KATNIP: variants seen among roughly 807,000 people sequenced by gnomAD.
KATNIP encodes the protein katanin interacting protein, also known as katanin-interacting protein.
A neutral mutation model predicts 174.0 loss-of-function variants in KATNIP; 126 were observed. The observed-to-expected ratio is 0.72, with a 90% CI of 0.63 to 0.84. The LOEUF (loss-of-function observed/expected upper bound fraction) is 0.84. Ranked by LOEUF, KATNIP falls within the 40% of genes least tolerant of loss-of-function variation. KATNIP has a pLI of 0.00. For missense variants in KATNIP, 1,958 were observed against 2,109.7 expected (o/e 0.93, Z 1.41); for synonymous variants, 810 against 835.7 (o/e 0.97, Z 0.53).
intron 1 of KATNIP, among the ~76,000 whole-genome samples, chr16:27,551,972 G>C (rs775874463): frequency 6.6e-6 from 1 of 152,086 alleles, no homozygotes; most frequent in Admixed American, 6.6e-5. Flanking sequence ...GGAGGCTGAA[G>C]TGGGTGGATT....
Position 27,626,580 on chromosome 16 carries a change from A to G in KATNIP, c.141-2081A>G, listed in dbSNP as rs377352043. Among the ~76,000 whole-genome samples the G allele has an allele frequency of 7.2e-5, 11 of 152,134 alleles. No individual in the cohort carries two copies. In the East Asian group the frequency reaches 1.9e-3, roughly 27 times the overall value. On this transcript the variant is annotated intron_variant, in intron 3 of 27. Coordinates refer to ENST00000261588, the MANE Select transcript of KATNIP (RefSeq NM_015202.5). ...AGTTTGCATTCTACCCCTGCCACAT[A>G]CTATAATAGCTATGTGACCTTGGGC...
At chr16:27,706,617 C>T (rs1031616984) in intron 12 of KATNIP, among the ~76,000 whole-genome samples, 11 of 152,184 alleles carry the variant, frequency 7.2e-5, no homozygotes, top group East Asian at 5.8e-4. Context: ...TAGCAACAGA[C>T]GAGTTGTGAC....
intron 6 of KATNIP, among the ~76,000 whole-genome samples, chr16:27,651,307 G>A (rs1409352483): frequency 6.6e-6 from 1 of 151,972 alleles, no homozygotes; most frequent in Non-Finnish European, 1.5e-5. Flanking sequence ...CATCTTGAGG[G>A]GGCACTCCAT....
At chr16:27,707,495 A>C (rs1425302959) in intron 12 of KATNIP, among the ~76,000 whole-genome samples, 1 of 152,218 alleles carries the variant, frequency 6.6e-6, no homozygotes, top group Non-Finnish European at 1.5e-5. Flanking sequence ...GGGCCTTCTT[A>C]GGTATTGATA....
At chr16:27,712,102 G>T (rs1026419659) in intron 13 of KATNIP, among the ~76,000 whole-genome samples, 2 of 152,232 alleles carry the variant, frequency 1.3e-5, no homozygotes, top group African/African-American at 4.8e-5. Flanking sequence ...CAATTCTGAT[G>T]ATTGCTCTCC....
Position 27,777,955 on chromosome 16 carries a change from G to A in KATNIP, c.4787G>A (p.Ser1596Asn), listed in dbSNP as rs2082561498. 6.2e-7 allele frequency: 1 copy of A among 1,613,972 alleles called. No homozygotes were observed. Among genetic ancestry groups the A allele is most frequent in the Non-Finnish European group, 8.5e-7 (1 of 1,179,952 alleles). ...QIITNAKRKQ[S>N]VVDPALRPKT... ...ATTACCAACGCGAAACGGAAGCAGA[G>A]CGTTGTTGACCCAGGTCAGTGGCGT... is the stretch of plus-strand genomic sequence containing the variant. Residue 1596 changes from serine (S) to asparagine (N), a missense_variant, in exon 27 of 28, where the codon AGC (serine) becomes AAC (asparagine). Coordinates refer to ENST00000261588, the MANE Select transcript of KATNIP (RefSeq NM_015202.5). The surrounding 1 kb of genome is among the most constrained non-coding windows in gnomAD (Gnocchi z 4.4).
chr16:27,611,245 C>T (rs1030689857), intron 2 of KATNIP, among the ~76,000 whole-genome samples: 1 of 152,152 alleles, frequency 6.6e-6, no homozygotes, highest in Non-Finnish European at 1.5e-5. Flanking sequence ...AAGCCCTGAT[C>T]GCATATGCAA....
chr16:27,744,990 T>A (rs1251221414), intron 15 of KATNIP, among the ~76,000 whole-genome samples: 1 of 152,082 alleles, frequency 6.6e-6, no homozygotes, highest in Non-Finnish European at 1.5e-5. Flanking sequence ...ATAGGGAATT[T>A]ATGAAAATCA....
In KATNIP at chr16:27,674,900, G is replaced by A. The variant is rs112500756; in HGVS notation, c.541-2829G>A. Among the ~76,000 whole-genome samples the A allele has an allele frequency of 1.0e-2, 1,519 of 152,216 alleles. 20 individuals are homozygous for A. Among genetic ancestry groups the A allele is most frequent in the African/African-American group, 0.035 (1,438 of 41,494 alleles). ...AAGTCCAGAATATCATCTAAGTCTC[G>A]TCAGCTCAAAACTCCAAAATCTCAT... is the stretch of plus-strand genomic sequence containing the variant. On this transcript the variant is annotated intron_variant, in intron 6 of 27. Transcript: ENST00000261588.
intron 2 of KATNIP, among the ~76,000 whole-genome samples, chr16:27,592,236 G>T (rs1317694272): frequency 1.3e-5 from 2 of 149,874 alleles, no homozygotes. Context: ...TTTACCATGG[G>T]CCAGGCACTG....
intron 1 of KATNIP, among the ~76,000 whole-genome samples, chr16:27,571,994 G>GTGTGTGTGTGTA (rs1186085558): frequency 3.3e-5 from 5 of 152,106 alleles, no homozygotes; most frequent in African/African-American, 1.2e-4. Flanking sequence ...GGGGGTGTGT[G>GTGTGTGTGTGTA]TGTGTGTGTG....
chr16:27,658,647 C>T (rs549965080), intron 6 of KATNIP, among the ~76,000 whole-genome samples: 1 of 152,256 alleles, frequency 6.6e-6, no homozygotes, highest in African/African-American at 2.4e-5. Context: ...ATATTCTGCA[C>T]TTCTGGAAAC....
At chr16:27,646,022 G>A (rs1292975545) in intron 5 of KATNIP, among the ~76,000 whole-genome samples, 2 of 152,204 alleles carry the variant, frequency 1.3e-5, no homozygotes, top group South Asian at 2.1e-4. Flanking sequence ...TGGATGCATG[G>A]AAAAGATTTG....
At chr16:27,647,345 C>A (rs546144746) in intron 5 of KATNIP, among the ~76,000 whole-genome samples, 6 of 152,076 alleles carry the variant, frequency 3.9e-5, no homozygotes, top group Non-Finnish European at 8.8e-5. Flanking sequence ...AAAGCCCCCC[C>A]CTTTCTTTTA....
intron 2 of KATNIP, among the ~76,000 whole-genome samples, chr16:27,611,684 G>C (rs1188899323): frequency 1.3e-5 from 2 of 152,180 alleles, no homozygotes; most frequent in Non-Finnish European, 2.9e-5. Context: ...CCATATAGCA[G>C]CCCTGTGAGG....
At chr16:27,558,469 A>C (rs769992659) in intron 1 of KATNIP, among the ~76,000 whole-genome samples, 2 of 152,204 alleles carry the variant, frequency 1.3e-5, no homozygotes, top group Non-Finnish European at 2.9e-5. Context: ...TCTGAAAAAA[A>C]GGGAATATAT....
At chr16:27,733,781 C>T (rs2080792721) in intron 14 of KATNIP, among the ~76,000 whole-genome samples, 1 of 152,070 alleles carries the variant, frequency 6.6e-6, no homozygotes, top group Non-Finnish European at 1.5e-5. Flanking sequence ...GGATTTTCCC[C>T]CTGGATCCTT....
intron 2 of KATNIP, among the ~76,000 whole-genome samples, chr16:27,579,465 G>A (rs904145234): frequency 6.6e-6 from 1 of 152,208 alleles, no homozygotes; most frequent in Non-Finnish European, 1.5e-5. Flanking sequence ...CACACCATAA[G>A]TGTTCCATAG....
In KATNIP at chr16:27,588,359, TA is replaced by T. The variant is rs561206836; in HGVS notation, c.63+14404del. Among the ~76,000 whole-genome samples, 499 of 152,278 alleles carry T rather than the reference TA, an allele frequency of 3.3e-3. 2 individuals are homozygous for T. Among genetic ancestry groups the T allele is most frequent in the Middle Eastern group, 6.8e-3 (2 of 292 alleles). ...AGTTTTATGAATTTTTATATATAAA[TA>T]TATAAAATCAGTTATTCACATCAAA... On this transcript the variant is annotated intron_variant, in intron 2 of 27. Coordinates refer to ENST00000261588, the MANE Select transcript of KATNIP (RefSeq NM_015202.5).
Sources: gnomAD v4.1 joint callset for allele counts (sites outside exome capture counted in the v4.1 genomes callset) on GRCh38, gnomAD v4.1.1 for gene constraint, Gnocchi (gnomAD v3.1) non-coding constraint, MANE v1.5 for transcripts, NCBI Gene and HGNC (gene_info 2026-07-23, HGNC 2026-07-21) for gene names.